Variants in AGO3 observed in about 807,000 individuals in gnomAD.
The protein encoded by AGO3 is protein argonaute-3.
AGO3 carries 16 observed loss-of-function variants against 105.5 expected under a neutral mutation model. The ratio of observed to expected loss-of-function variants is 0.15; its 90% CI spans 0.10 to 0.23. AGO3 has a LOEUF of 0.23. AGO3 is among the 10% of genes least tolerant of loss of function. AGO3 has a pLI of 1.00. For synonymous variants in AGO3, 340 were observed against 367.3 expected (o/e 0.93, Z 0.85); for missense variants, 534 against 1,088.0 (o/e 0.49, Z 7.16).
chr1:35,973,052 T>C (rs546604155), intron 4 of AGO3, among the ~76,000 whole-genome samples: 15 of 151,912 alleles, frequency 9.9e-5, no homozygotes, highest in African/African-American at 2.9e-4. Context: ...TTTATATAAA[T>C]ACCTTTTTGT....
At chr1:35,933,532 C>T (rs973680236) in intron 1 of AGO3, among the ~76,000 whole-genome samples, 3 of 148,504 alleles carry the variant, frequency 2.0e-5, no homozygotes, top group Admixed American at 1.4e-4. Context: ...GTCCTAGCTA[C>T]TTGGGAGGCT....
intron 2 of AGO3, among the ~76,000 whole-genome samples, chr1:35,955,757 G>A (rs1045075614): frequency 5.3e-5 from 8 of 151,986 alleles, no homozygotes; most frequent in African/African-American, 1.5e-4. Context: ...ACCATGCCCG[G>A]CTAATTTTTG....
At chr1:36,024,011 C>T (rs1381260983) in intron 11 of AGO3, among the ~76,000 whole-genome samples, 1 of 152,106 alleles carries the variant, frequency 6.6e-6, no homozygotes, top group Non-Finnish European at 1.5e-5. Context: ...CCTCCATTCT[C>T]TCCCCTCCCT....
intron 5 of AGO3, among the ~76,000 whole-genome samples, chr1:35,986,464 G>A (rs1227003211): frequency 2.6e-5 from 4 of 152,112 alleles, no homozygotes; most frequent in South Asian, 2.1e-4. Flanking sequence ...AGAGGCCTTC[G>A]GATCATATGA....
intron 5 of AGO3, among the ~76,000 whole-genome samples, chr1:35,990,180 G>A (rs1306445955): frequency 6.6e-6 from 1 of 152,046 alleles, no homozygotes; most frequent in African/African-American, 2.4e-5. Context: ...AAGATCCCTG[G>A]CAGGCAAATC....
At chr1:35,972,293 CT>C (rs1646883653) in intron 4 of AGO3, 61 bp downstream of exon 4, 1 of 1,536,730 alleles carries the variant, frequency 6.5e-7, no homozygotes, top group African/African-American at 1.4e-5. Flanking sequence ...ATTGTGCAGG[CT>C]TCCCTTGGTT....
intron 1 of AGO3, among the ~76,000 whole-genome samples, chr1:35,939,674 AT>A (rs1646216922): frequency 6.6e-6 from 1 of 152,084 alleles, no homozygotes; most frequent in Admixed American, 6.6e-5. Flanking sequence ...CTTAACCTTA[AT>A]TTTCTTATCT....
In AGO3 at chr1:36,016,327, C is replaced by A. The variant is rs1053799910; in HGVS notation, c.1406+2279C>A. Among the ~76,000 whole-genome samples, 4 of 152,196 alleles carry A rather than the reference C, an allele frequency of 2.6e-5. No individual in the cohort carries two copies. The East Asian group carries it at 7.7e-4, about 29-fold the overall frequency. ...CTCTAGAGTATCTGGGACTACAGGC[C>A]TGCACTACTATGCCCGGCTAATTTT... On this transcript the variant is annotated intron_variant, in intron 11 of 18. Coordinates refer to ENST00000373191, the MANE Select transcript of AGO3 (RefSeq NM_024852.4).
At chr1:36,030,444 G>T (rs1286363108) in intron 12 of AGO3, among the ~76,000 whole-genome samples, 1 of 151,368 alleles carries the variant, frequency 6.6e-6, no homozygotes, top group Non-Finnish European at 1.5e-5. Context: ...GGAGGTTGCA[G>T]TGAGCCAAGA....
At chr1:36,033,487 A>G (rs1032320631) in intron 12 of AGO3, among the ~76,000 whole-genome samples, 1 of 135,756 alleles carries the variant, frequency 7.4e-6, no homozygotes, top group South Asian at 2.2e-4. Flanking sequence ...CTACTTAAAT[A>G]AAAAAAAAAA....
At chr1:36,032,565 G>C (rs944307995) in intron 12 of AGO3, among the ~76,000 whole-genome samples, 14 of 152,190 alleles carry the variant, frequency 9.2e-5, no homozygotes, top group Middle Eastern at 3.4e-3. Context: ...AAAAAATTTG[G>C]CAGGGATGGG....
chr1:36,052,115 C>T (rs1342870960), intron 17 of AGO3, among the ~76,000 whole-genome samples: 1 of 152,086 alleles, frequency 6.6e-6, no homozygotes, highest in African/African-American at 2.4e-5. Context: ...ATCTGCATCC[C>T]CATGTTTATT....
At chr1:35,967,303 C>T (rs1276343526) in intron 3 of AGO3, among the ~76,000 whole-genome samples, 1 of 152,038 alleles carries the variant, frequency 6.6e-6, no homozygotes, top group Admixed American at 6.6e-5. Context: ...AACATTTCCA[C>T]CTTTGTTTTA....
chr1:36,033,293 C>T (rs891637037), intron 12 of AGO3, among the ~76,000 whole-genome samples: 15 of 151,286 alleles, frequency 9.9e-5, no homozygotes, highest in Non-Finnish European at 1.9e-4. Flanking sequence ...GCTGAGATCG[C>T]GCCACTGCAC....
At chr1:35,986,375 T>C (rs1429892918) in intron 5 of AGO3, among the ~76,000 whole-genome samples, 1 of 152,228 alleles carries the variant, frequency 6.6e-6, no homozygotes, top group Non-Finnish European at 1.5e-5. Context: ...CAGATCTATA[T>C]GTATCAATGT....
chr1:35,980,615 G>C (rs1647036001), intron 5 of AGO3, among the ~76,000 whole-genome samples: 1 of 152,162 alleles, frequency 6.6e-6, no homozygotes, highest in South Asian at 2.1e-4. Flanking sequence ...GCTAGATGTG[G>C]AATTGTTGGC....
intron 5 of AGO3, among the ~76,000 whole-genome samples, chr1:36,001,921 A>G (rs892300608): frequency 2.0e-5 from 3 of 152,176 alleles, no homozygotes; most frequent in Non-Finnish European, 4.4e-5. Flanking sequence ...TTATTCATGT[A>G]TTATTTGTGT....
rs542822051 is a variant in AGO3, at chr1:35,931,959, A to T, written c.19+514A>T. 1.6e-3 allele frequency among the ~76,000 whole-genome samples: 247 copies of T among 152,344 alleles called. 3 individuals carry two copies. The highest frequency in any genetic ancestry group is 5.4e-3 in the African/African-American group (224 of 41,570). On this transcript the variant is annotated intron_variant, in intron 1 of 18. Transcript: ENST00000373191. ...CGAGTTCTTTTCTGTTGTTTGTGGC[A>T]GCATGGTAGATAGTTTCTGAGGAGC...
At position 36,067,900 on chromosome 1, in the gene AGO3, ACT is replaced by A. The variant is rs1643115321; in HGVS notation, c.*12159_*12160del. On this transcript the variant is annotated 3_prime_UTR_variant, in exon 19 of 19. Coordinates refer to ENST00000373191, the MANE Select transcript of AGO3 (RefSeq NM_024852.4). ...TAGAATTCTACTGGGGGTAAATGAC[ACT>A]CTCAAAATACTTGGGAAAGAAGAAT... 1 of 152,056 alleles carries A rather than the reference ACT, an allele frequency of 6.6e-6. No homozygotes were observed. The highest frequency in any genetic ancestry group is 1.5e-5 in the Non-Finnish European group (1 of 68,000). 9.4% of individuals were successfully genotyped at this position (152,056 alleles called of 1,614,324 possible). A position where few individuals can be genotyped will look rare whatever the true frequency, so the allele number is the denominator to read the frequency against.
Sources: allele counts gnomAD v4.1 joint callset (sites outside exome capture counted in the v4.1 genomes callset), GRCh38; gene constraint gnomAD v4.1.1; transcripts MANE v1.5; gene names NCBI Gene and HGNC (gene_info 2026-07-23, HGNC 2026-07-21).